Variants in TENM2 observed in about 807,000 individuals in gnomAD.
The protein encoded by TENM2 is teneurin-2.
TENM2 carries 52 observed loss-of-function variants against 245.2 expected under a neutral mutation model. The ratio of observed to expected loss-of-function variants is 0.21; its 90% CI spans 0.17 to 0.27. The LOEUF (loss-of-function observed/expected upper bound fraction) is 0.27. TENM2 is among the 10% of genes least tolerant of loss of function. TENM2 has a pLI of 1.00. For synonymous variants in TENM2, 1,363 were observed against 1,438.9 expected (o/e 0.95, Z 1.19); for missense variants, 3,046 against 3,666.8 (o/e 0.83, Z 4.37).
chr5:167,316,208 C>T (rs981137713), intron 1 of TENM2, among the ~76,000 whole-genome samples: 2 of 152,164 alleles, frequency 1.3e-5, no homozygotes, highest in African/African-American at 2.4e-5. Flanking sequence ...GAGATATGTA[C>T]TGTATCCCTA....
rs376752568 is a variant in TENM2, at chr5:168,246,843, C to T, written c.5904C>T (p.Ser1968=). 295 of 1,613,966 alleles carry T rather than the reference C, an allele frequency of 1.8e-4. 2 individuals carry two copies. Among genetic ancestry groups the T allele is most frequent in the Middle Eastern group, 1.8e-3 (11 of 6,060 alleles). Residue 1968 remains serine (S), a synonymous_variant, in exon 27 of 29, where the codon AGC becomes AGT. Transcript: ENST00000518659. ...GCCTCCTTGCCGTCACCATGCCCAG[C>T]GTGGCCCGGCACAGCATGTCCACAC...
the TENM2 span, among the ~76,000 whole-genome samples, chr5:167,242,078 CTT>C: frequency 7.7e-6 from 1 of 129,598 alleles, no homozygotes; most frequent in Non-Finnish European, 1.6e-5. Context: ...GAGTTTTGCT[CTT>C]GTCGCTCAGA....
chr5:168,086,305 G>C (rs1039890453), intron 7 of TENM2, among the ~76,000 whole-genome samples: 38 of 152,210 alleles, frequency 2.5e-4, no homozygotes, highest in Non-Finnish European at 4.4e-4. Context: ...TCTCTGCCAA[G>C]AAGTGGGGAG....
At chr5:167,158,066 G>T in the TENM2 span, among the ~76,000 whole-genome samples, 58 of 152,120 alleles carry the variant, frequency 3.8e-4, no homozygotes, top group African/African-American at 1.4e-3. Flanking sequence ...CTGTATCATG[G>T]CTTAGATTGA....
chr5:167,681,206 T>C (rs1756682384), intron 2 of TENM2, among the ~76,000 whole-genome samples: 1 of 152,236 alleles, frequency 6.6e-6, no homozygotes, highest in African/African-American at 2.4e-5. Flanking sequence ...AGAATTTTTC[T>C]AGCATCTATA....
At chr5:167,028,647 T>A in the TENM2 span, among the ~76,000 whole-genome samples, 1 of 152,062 alleles carries the variant, frequency 6.6e-6, no homozygotes, top group African/African-American at 2.4e-5. Context: ...ATGTAAATGA[T>A]ATTAATATAT....
chr5:167,559,379 A>G (rs1259061841), intron 2 of TENM2, among the ~76,000 whole-genome samples: 1 of 152,176 alleles, frequency 6.6e-6, no homozygotes, highest in East Asian at 1.9e-4. Flanking sequence ...GTCACAAAAC[A>G]GTTTGTGATC....
chr5:167,059,663 G>GTTCTTTGATACTTCAAATGC, the TENM2 span, among the ~76,000 whole-genome samples: 1 of 143,564 alleles, frequency 7.0e-6, no homozygotes, highest in African/African-American at 2.5e-5. Context: ...GTTACTGATA[G>GTTCTTTGATACTTCAAATGC]TTATTTGATA....
At chr5:168,170,352 A>G (rs1364305823) in intron 13 of TENM2, among the ~76,000 whole-genome samples, 1 of 152,042 alleles carries the variant, frequency 6.6e-6, no homozygotes, top group Non-Finnish European at 1.5e-5. Context: ...AAAAATACAA[A>G]AATTAGCCGG....
chr5:167,464,861 G>A (rs1010053684), intron 2 of TENM2, among the ~76,000 whole-genome samples: 1 of 152,118 alleles, frequency 6.6e-6, no homozygotes, highest in African/African-American at 2.4e-5. Flanking sequence ...CTGAAAAAAA[G>A]CACTTCACTA....
the TENM2 span, among the ~76,000 whole-genome samples, chr5:167,085,818 A>C: frequency 6.6e-6 from 1 of 152,214 alleles, no homozygotes; most frequent in Non-Finnish European, 1.5e-5. Flanking sequence ...TGATTTTAGA[A>C]GCCTTATTTA....
intron 2 of TENM2, among the ~76,000 whole-genome samples, chr5:167,674,451 A>G (rs918965297): frequency 6.6e-6 from 1 of 152,148 alleles, no homozygotes; most frequent in Non-Finnish European, 1.5e-5. Context: ...GCCTCTAACA[A>G]ATTCACATTT....
intron 2 of TENM2, among the ~76,000 whole-genome samples, chr5:167,507,751 A>C (rs902318800): frequency 6.6e-6 from 1 of 152,226 alleles, no homozygotes; most frequent in Non-Finnish European, 1.5e-5. Flanking sequence ...TGTATGGGTT[A>C]GTATAGTGAT....
intron 2 of TENM2, among the ~76,000 whole-genome samples, chr5:167,453,721 G>A (rs1353143023): frequency 6.6e-6 from 1 of 152,154 alleles, no homozygotes; most frequent in African/African-American, 2.4e-5. Context: ...ATAATGTAGG[G>A]ACTAGGCCCA....
At chr5:167,488,547 G>T (rs995450195) in intron 2 of TENM2, among the ~76,000 whole-genome samples, 1 of 152,020 alleles carries the variant, frequency 6.6e-6, no homozygotes, top group East Asian at 1.9e-4. Flanking sequence ...ATTAACTACT[G>T]TTCTTCAGTC....
chr5:166,979,779 T>A, the TENM2 span, among the ~76,000 whole-genome samples: 1 of 31,940 alleles, frequency 3.1e-5, no homozygotes, highest in South Asian at 6.4e-4. Flanking sequence ...GTTGCATGAG[T>A]TTCAGGGGGG....
chr5:168,075,115 G>T (rs568687508), intron 7 of TENM2, among the ~76,000 whole-genome samples: 1 of 152,154 alleles, frequency 6.6e-6, no homozygotes, highest in African/African-American at 2.4e-5. Context: ...AGGCCCCAAA[G>T]TCCATTGTAT....
chr5:167,161,785 G>A, the TENM2 span, among the ~76,000 whole-genome samples: 2 of 152,168 alleles, frequency 1.3e-5, no homozygotes, highest in Non-Finnish European at 2.9e-5. Flanking sequence ...TCTTGCAAGA[G>A]CTGGGTGGAT....
chr5:167,882,968 T>C (rs1773995609), intron 3 of TENM2, among the ~76,000 whole-genome samples: 1 of 152,230 alleles, frequency 6.6e-6, no homozygotes, highest in African/African-American at 2.4e-5. Flanking sequence ...TGGACCAAGC[T>C]GTCCCAATGT....
Sources: gnomAD v4.1 joint callset for allele counts (sites outside exome capture counted in the v4.1 genomes callset) on GRCh38, gnomAD v4.1.1 for gene constraint, MANE v1.5 for transcripts, NCBI Gene and HGNC (gene_info 2026-07-23, HGNC 2026-07-21) for gene names.